CNBD1: variants seen among roughly 807,000 people sequenced by gnomAD.
CNBD1 encodes the protein cyclic nucleotide-binding domain-containing protein 1.
Under a neutral mutation model 54.4 loss-of-function variants are expected in CNBD1, and 71 were observed. The observed-to-expected ratio is 1.30, with a 90% CI of 1.08 to 1.59. CNBD1 has a LOEUF of 1.59. Among genes scored for constraint, CNBD1 ranks in the 40% most tolerant of loss-of-function variants. The pLI, the probability that CNBD1 is intolerant of heterozygous loss-of-function variation, is 0.00. For synonymous variants in CNBD1, 182 were observed against 170.7 expected (o/e 1.07, Z -0.51); for missense variants, 659 against 518.0 (o/e 1.27, Z -2.64).
intron 4 of CNBD1, among the ~76,000 whole-genome samples, chr8:87,041,413 G>A (rs552074487): frequency 1.3e-5 from 2 of 152,152 alleles, no homozygotes; most frequent in East Asian, 1.9e-4. Flanking sequence ...AAGCAACCAC[G>A]TCGGTGTGAA....
At chr8:87,006,939 G>C (rs141393996) in intron 4 of CNBD1, among the ~76,000 whole-genome samples, 1 of 152,224 alleles carries the variant, frequency 6.6e-6, no homozygotes, top group Admixed American at 6.5e-5. Flanking sequence ...GCTCACGCCT[G>C]TAATCCCAGG....
intron 4 of CNBD1, among the ~76,000 whole-genome samples, chr8:87,020,248 G>C (rs928563767): frequency 1.3e-5 from 2 of 151,890 alleles, no homozygotes; most frequent in African/African-American, 4.8e-5. Flanking sequence ...CCCTAGGCCT[G>C]ACTCCATCTC....
intron 4 of CNBD1, among the ~76,000 whole-genome samples, chr8:87,191,568 A>G (rs1813610650): frequency 6.6e-6 from 1 of 152,120 alleles, no homozygotes; most frequent in African/African-American, 2.4e-5. Flanking sequence ...TCTTATACTC[A>G]GTTTTCATGG....
At chr8:87,173,118 A>G (rs1305241603) in intron 4 of CNBD1, among the ~76,000 whole-genome samples, 1 of 152,182 alleles carries the variant, frequency 6.6e-6, no homozygotes, top group Non-Finnish European at 1.5e-5. Flanking sequence ...ACAACTTAAC[A>G]TTGCTTGGAT....
intron 4 of CNBD1, among the ~76,000 whole-genome samples, chr8:87,006,052 T>G (rs1227899589): frequency 2.0e-5 from 3 of 152,206 alleles, no homozygotes; most frequent in Non-Finnish European, 1.5e-5. Context: ...AATTCAGTCA[T>G]GCTGAGGAAC....
At chr8:87,425,975 A>C (rs1253841724) in intron 2 of CNBD1, among the ~76,000 whole-genome samples, 2 of 152,168 alleles carry the variant, frequency 1.3e-5, no homozygotes, top group Non-Finnish European at 2.9e-5. Flanking sequence ...AGCGAGACTC[A>C]GTGGGGCAGG....
chr8:87,128,642 A>G (rs1250184947), intron 4 of CNBD1, among the ~76,000 whole-genome samples: 5 of 152,080 alleles, frequency 3.3e-5, no homozygotes, highest in Non-Finnish European at 5.9e-5. Flanking sequence ...TATAGTCTCT[A>G]TTCTTTAGTT....
chr8:87,422,221 G>A (rs1414137439), intron 2 of CNBD1, among the ~76,000 whole-genome samples: 3 of 146,812 alleles, frequency 2.0e-5, no homozygotes, highest in Non-Finnish European at 4.5e-5. Flanking sequence ...CCATTTTGTA[G>A]GTTGCCTGTT....
At chr8:86,922,570 T>G (rs1191738981) in intron 3 of CNBD1, among the ~76,000 whole-genome samples, 1 of 152,148 alleles carries the variant, frequency 6.6e-6, no homozygotes, top group Non-Finnish European at 1.5e-5. Context: ...TGTAGCCAAG[T>G]GATGACAATT....
At chr8:87,405,213 A>T (rs1261943390) in intron 2 of CNBD1, among the ~76,000 whole-genome samples, 1 of 152,098 alleles carries the variant, frequency 6.6e-6, no homozygotes, top group Admixed American at 6.6e-5. Flanking sequence ...ATTTGAGTGT[A>T]ATTCCAATCT....
In CNBD1 at chr8:87,098,145, G is replaced by A. The variant is rs137929167; in HGVS notation, c.432-107848G>A. 6.6e-5 allele frequency among the ~76,000 whole-genome samples: 10 copies of A among 152,280 alleles called. No homozygotes were observed. The East Asian group carries it at 1.7e-3, about 26-fold the overall frequency. ...ACATAACTCATGAATATTTTACGTGGAAGGCATATGATGCTGGAAAGACTT... is the reference window on the plus strand; with the variant it reads ...ACATAACTCATGAATATTTTACGTGAAAGGCATATGATGCTGGAAAGACTT... On this transcript the variant is annotated intron_variant, in intron 4 of 10. Transcript: ENST00000518476.
At chr8:87,188,602 T>G (rs2915523) in intron 4 of CNBD1, among the ~76,000 whole-genome samples, 1 of 151,518 alleles carries the variant, frequency 6.6e-6, no homozygotes, top group Non-Finnish European at 1.5e-5. Flanking sequence ...AGCAGGTGCC[T>G]GTAATCCCAG....
chr8:87,328,739 T>C (rs1210237476), intron 8 of CNBD1, among the ~76,000 whole-genome samples: 1 of 152,146 alleles, frequency 6.6e-6, no homozygotes, highest in African/African-American at 2.4e-5. Context: ...TTCATAAACA[T>C]AGTTTATCTT....
At chr8:87,114,145 AG>A in intron 4 of CNBD1, among the ~76,000 whole-genome samples, 1 of 152,282 alleles carries the variant, frequency 6.6e-6, no homozygotes, top group African/African-American at 2.4e-5. Context: ...ATTTTTGAAA[AG>A]GTTATTGATG....
intron 5 of CNBD1, among the ~76,000 whole-genome samples, chr8:87,236,291 T>C (rs1243574923): frequency 1.3e-5 from 2 of 152,070 alleles, no homozygotes; most frequent in Admixed American, 6.6e-5. Context: ...TATTCACAAA[T>C]GAGTATGTCT....
At chr8:87,294,259 T>G (rs1043594570) in intron 8 of CNBD1, among the ~76,000 whole-genome samples, 1 of 152,190 alleles carries the variant, frequency 6.6e-6, no homozygotes, top group Non-Finnish European at 1.5e-5. Flanking sequence ...TTGGGAGTAT[T>G]GTATAGAATA....
rs527549770 is a variant in CNBD1 at position 87,169,094 on chromosome 8, T to TA, written c.432-36898dup. 6.0e-4 allele frequency among the ~76,000 whole-genome samples: 91 copies of TA among 152,140 alleles called. 1 individual carries two copies. The highest frequency in any genetic ancestry group is 1.9e-3 in the African/African-American group (78 of 41,554). On this transcript the variant is annotated intron_variant, in intron 4 of 10. Transcript: ENST00000518476. ...TCTCCATGTCCTCACCAGCATTTCTTACAGCTTTTGGATAAAAGCCATTTT... is the reference window on the plus strand; with the variant it reads ...TCTCCATGTCCTCACCAGCATTTCTTAACAGCTTTTGGATAAAAGCCATTTT...
At chr8:86,946,202 A>G (rs1051013131) in intron 4 of CNBD1, among the ~76,000 whole-genome samples, 2 of 152,188 alleles carry the variant, frequency 1.3e-5, no homozygotes, top group African/African-American at 2.4e-5. Flanking sequence ...GTGTCTCTGA[A>G]TAATAATGTG....
intron 4 of CNBD1, among the ~76,000 whole-genome samples, chr8:87,117,394 G>A (rs1429537550): frequency 9.7e-4 from 99 of 101,634 alleles, no homozygotes; most frequent in Non-Finnish European, 1.5e-3. Context: ...GCAAGATTCC[G>A]TCTCAAAAAA....
Sources: gnomAD v4.1 joint callset for allele counts (sites outside exome capture counted in the v4.1 genomes callset) on GRCh38, gnomAD v4.1.1 for gene constraint, MANE v1.5 for transcripts, NCBI Gene and HGNC (gene_info 2026-07-23, HGNC 2026-07-21) for gene names.